MRPS18B: variants seen among roughly 807,000 people sequenced by gnomAD.
MRPS18B encodes the protein mitochondrial ribosomal protein S18B.
Under a neutral mutation model 28.4 loss-of-function variants are expected in MRPS18B, and 27 were observed. The ratio of observed to expected loss-of-function variants is 0.95; its 90% CI spans 0.70 to 1.31. The LOEUF is 1.31. MRPS18B is among the 40% of genes most tolerant of loss of function. The probability of loss-of-function intolerance (pLI) is 0.00; values close to 1 mark genes in which losing one functional copy is unlikely to be tolerated. For missense variants in MRPS18B, 343 were observed against 335.9 expected (o/e 1.02, Z -0.17); for synonymous variants, 118 against 123.7 (o/e 0.95, Z 0.30).
intron 6 of MRPS18B, 138 bp downstream of exon 6, chr6:30,625,080 CT>C (rs1182598172): frequency 9.2e-6 from 8 of 865,450 alleles, no homozygotes; most frequent in Non-Finnish European, 1.3e-5. Flanking sequence ...ACATTGTCCC[CT>C]GTCCTTTCTC....
chr6:30,623,901 G>C (rs1024598079), intron 5 of MRPS18B, among the ~76,000 whole-genome samples: 18 of 151,192 alleles, frequency 1.2e-4, no homozygotes, highest in Non-Finnish European at 2.5e-4. Flanking sequence ...TCAGCCCCCT[G>C]AGTAGCTGGG....
chr6:30,617,957 A>C lies in MRPS18B; in HGVS notation c.78+14A>C. On this transcript the variant is annotated intron_variant, in intron 1 of 6. Coordinates refer to ENST00000259873, the MANE Select transcript of MRPS18B (RefSeq NM_014046.4). ...CACAGAGTTCAGGTAACTCTTCGAAAGACATTTTGCACAACCTCAAGTTGG... is the reference window on the plus strand; with the variant it reads ...CACAGAGTTCAGGTAACTCTTCGAACGACATTTTGCACAACCTCAAGTTGG... The C allele has an allele frequency of 6.2e-7, 1 of 1,614,020 alleles. No homozygotes were observed. The highest frequency in any genetic ancestry group is 8.5e-7 in the Non-Finnish European group (1 of 1,179,918).
rs138059652 is a variant in MRPS18B at position 30,620,417 on chromosome 6, G to A, written c.354+428G>A. 6.4e-4 allele frequency among the ~76,000 whole-genome samples: 97 copies of A among 152,250 alleles called. 2 individuals carry two copies. In the East Asian group the frequency reaches 0.018, roughly 28 times the overall value. On this transcript the variant is annotated intron_variant, in intron 4 of 6. Transcript: ENST00000259873. ...GATTACTGTAGGTGCCCCACACTTC[G>A]TATATCCAGGAGGCCCTACAGTCCG...
At chr6:30,618,993 C>T (rs1561866380) in intron 1 of MRPS18B, among the ~76,000 whole-genome samples, 1 of 152,154 alleles carries the variant, frequency 6.6e-6, no homozygotes, top group Non-Finnish European at 1.5e-5. Context: ...TCTTGGCTCA[C>T]TGCAACCTCC....
At chr6:30,619,661 C>A (rs1480296899) in intron 2 of MRPS18B, 48 bp from the exon 3 acceptor site, 1 of 1,608,174 alleles carries the variant, frequency 6.2e-7, no homozygotes, top group Admixed American at 1.7e-5. Context: ...GACAGAGCCA[C>A]CCACTACACT....
intron 5 of MRPS18B, 37 bp from the exon 6 acceptor site, chr6:30,624,846 C>G (rs1427920111): frequency 1.9e-6 from 3 of 1,608,702 alleles, no homozygotes; most frequent in African/African-American, 1.3e-5. Flanking sequence ...CTATTATTTA[C>G]TGTGCCTTAA....
At chr6:30,625,458 C>G in intron 6 of MRPS18B, 44 bp from the exon 7 acceptor site, 1 of 1,475,212 alleles carries the variant, frequency 6.8e-7, no homozygotes. Flanking sequence ...CTAAACCACC[C>G]TCCTCATTGC....
intron 4 of MRPS18B, among the ~76,000 whole-genome samples, chr6:30,620,761 A>T (rs1020482426): frequency 6.6e-6 from 1 of 151,932 alleles, no homozygotes; most frequent in African/African-American, 2.4e-5. Flanking sequence ...GTAGAGACAG[A>T]GTTTCACCAT....
intron 4 of MRPS18B, 135 bp from the exon 5 acceptor site, chr6:30,622,697 A>C (rs1761238563): frequency 1.4e-6 from 1 of 735,546 alleles, no homozygotes; most frequent in Non-Finnish European, 2.4e-6. Context: ...ATGAAGGAGG[A>C]TGGCATCTGG....
At chr6:30,623,755 A>G (rs1051765462) in intron 5 of MRPS18B, among the ~76,000 whole-genome samples, 3 of 152,078 alleles carry the variant, frequency 2.0e-5, no homozygotes, top group East Asian at 1.9e-4. Context: ...AAGCAAGACA[A>G]ATTTGCAGAG....
chr6:30,619,251 A>G (rs376874569), intron 1 of MRPS18B, among the ~76,000 whole-genome samples: 1 of 152,050 alleles, frequency 6.6e-6, no homozygotes, highest in African/African-American at 2.4e-5. Context: ...CTGAAATAAG[A>G]TTGTTTTTTA....
At position 30,619,792 on chromosome 6, in the gene MRPS18B, C is replaced by T. The variant is rs761794854; in HGVS notation, c.271C>T (p.Arg91Trp). The T allele has an allele frequency of 1.7e-5, 28 of 1,614,046 alleles. No homozygotes were observed. The highest frequency in any genetic ancestry group is 1.6e-4 in the Middle Eastern group (1 of 6,084). The change falls in exon 3 of 7, where the codon CGG (arginine) becomes TGG (tryptophan). Residue 91 changes from arginine to tryptophan, a missense_variant. Arg to Trp is a moderately radical substitution (Grantham distance 101). Transcript: ENST00000259873. ...HKGGVPPQRTRKTCIRRNKVV... is the reference protein window; with the variant it reads ...HKGGVPPQRTWKTCIRRNKVV... The stretch of plus-strand genomic sequence containing the variant: ...GGGTGGTGTACCCCCACAGCGGACT[C>T]GGAAGACATGTATTGTGAGTTTCTG...
intron 4 of MRPS18B, among the ~76,000 whole-genome samples, chr6:30,620,426 G>A (rs1761084047): frequency 6.6e-6 from 1 of 152,172 alleles, no homozygotes; most frequent in Non-Finnish European, 1.5e-5. Context: ...CGTATATCCA[G>A]GAGGCCCTAC....
chr6:30,619,641 G>C, intron 2 of MRPS18B, 40 bp downstream of exon 2: 2 of 1,608,610 alleles, frequency 1.2e-6, no homozygotes, highest in South Asian at 2.2e-5. Context: ...GATAGGATTT[G>C]AGATAAGTGG....
In MRPS18B at chr6:30,625,947, C is replaced by G. The variant is rs1761552466; in HGVS notation, c.*150C>G. On this transcript the variant is annotated 3_prime_UTR_variant, in exon 7 of 7. Coordinates refer to ENST00000259873, the MANE Select transcript of MRPS18B (RefSeq NM_014046.4). Reference sequence around the variant, plus strand: ...GAAACCTCGTCTTTACCAAAAAATACAAAAATTAGCTGGGTGTGGTGGTGC... The same window carrying G: ...GAAACCTCGTCTTTACCAAAAAATAGAAAAATTAGCTGGGTGTGGTGGTGC... 1.3e-6 allele frequency: 1 copy of G among 798,392 alleles called. No individual in the cohort carries two copies. The highest frequency in any genetic ancestry group is 1.9e-6 in the Non-Finnish European group (1 of 514,634). The allele number at this position is 798,392 out of a possible 1,614,324, so 49.5% of individuals were successfully genotyped here.
intron 4 of MRPS18B, among the ~76,000 whole-genome samples, chr6:30,620,279 C>T (rs940346467): frequency 6.6e-6 from 1 of 150,472 alleles, no homozygotes; most frequent in Non-Finnish European, 1.5e-5. Flanking sequence ...ATCGCATCAC[C>T]GCACTCTAGC....
At chr6:30,623,116 C>A (rs896670885) in intron 5 of MRPS18B, among the ~76,000 whole-genome samples, 1 of 152,180 alleles carries the variant, frequency 6.6e-6, no homozygotes, top group Non-Finnish European at 1.5e-5. Flanking sequence ...TGCCTGTAAT[C>A]CCAGCACTTT....
chr6:30,622,339 T>C (rs1053463716), intron 4 of MRPS18B, among the ~76,000 whole-genome samples: 4 of 151,712 alleles, frequency 2.6e-5, no homozygotes, highest in African/African-American at 9.7e-5. Flanking sequence ...AAGGTGGGTG[T>C]ATCACTAGGT....
intron 4 of MRPS18B, 59 bp from the exon 5 acceptor site, chr6:30,622,773 A>G (rs1299811560): frequency 6.5e-7 from 1 of 1,541,046 alleles, no homozygotes; most frequent in African/African-American, 1.4e-5. Context: ...CGATGTCCAA[A>G]GATCCTGCTG....
Sources: allele counts gnomAD v4.1 joint callset (sites outside exome capture counted in the v4.1 genomes callset), GRCh38; gene constraint gnomAD v4.1.1; transcripts MANE v1.5; gene names NCBI Gene and HGNC (gene_info 2026-07-23, HGNC 2026-07-21).